The following NUP188 variants were observed in gnomAD, a reference collection of about 807,000 sequenced individuals.
NUP188 encodes the protein nucleoporin NUP188.
In NUP188, 97 loss-of-function variants were observed where a neutral mutation model predicts 223.0. That is an observed-to-expected ratio of 0.43 (90% CI 0.37 to 0.51). NUP188 has a LOEUF of 0.51. NUP188 is among the 20% of genes least tolerant of loss of function. NUP188 has a pLI of 0.00. For missense variants in NUP188, 1,947 were observed against 2,175.6 expected, an observed-to-expected ratio of 0.89 and a Z score of 2.09; for synonymous variants, 869 against 828.0, an observed-to-expected ratio of 1.05 and a Z score of -0.85.
In NUP188 at chr9:128,993,539, G is replaced by A. The variant is rs374088721; in HGVS notation, c.2862G>A (p.Gly954=). 3.1e-6 allele frequency: 5 copies of A among 1,614,036 alleles called. No homozygotes were observed. In the African/African-American group the frequency reaches 6.7e-5, roughly 22 times the overall value. Residue 954 remains glycine, a synonymous_variant, in exon 27 of 44, where the codon GGG becomes GGA. Coordinates refer to ENST00000372577, the MANE Select transcript of NUP188 (RefSeq NM_015354.3). ...CCTTCTTGCAGGAATTCAGCCTTGG[G>A]ATGTGGAGCTGTCTCCATGCAGTGC... The part of the protein sequence containing the change: ...GSDGSKEFSL[G]MWSCLHAVLE...
intron 12 of NUP188, among the ~76,000 whole-genome samples, chr9:128,975,701 G>A (rs1261387287): frequency 2.0e-5 from 3 of 151,438 alleles, no homozygotes; most frequent in Non-Finnish European, 2.9e-5. Flanking sequence ...TGTATTTTCA[G>A]TAGACGGGGT....
At position 128,973,253 on chromosome 9, in the gene NUP188, A is replaced by T. The variant is rs759343351; in HGVS notation, c.1203+4A>T. 1 of 1,611,298 alleles carries T rather than the reference A, an allele frequency of 6.2e-7. No individual in the cohort carries two copies. Among genetic ancestry groups the T allele is most frequent in the Non-Finnish European group, 8.5e-7 (1 of 1,178,772 alleles). ...GCACACCCTGGGCAATCAGCAGGTC[A>T]GTGTCTGGCTTTCATGAAGCTGTCT... On this transcript the variant is annotated splice_donor_region_variant and intron_variant, in intron 12 of 43. Transcript: ENST00000372577.
rs147133014 is a variant in NUP188 at position 128,983,686 on chromosome 9, C to T, written c.1961+136C>T. ...TTTGAGATGGAGTCTCACTCTGTTG[C>T]CCAGGCTGGAGTGCAGTGGTGCAGC... On this transcript the variant is annotated intron_variant, in intron 19 of 43. Coordinates refer to ENST00000372577, the MANE Select transcript of NUP188 (RefSeq NM_015354.3). The T allele has an allele frequency of 6.5e-3, 4,435 of 686,340 alleles. 111 individuals carry two copies. The highest frequency in any genetic ancestry group is 0.054 in the African/African-American group (3,011 of 55,574). The allele number at this position is 686,340 out of a possible 1,614,324, so 42.5% of individuals were successfully genotyped here.
At chr9:128,974,994 C>T (rs748386223) in intron 12 of NUP188, among the ~76,000 whole-genome samples, 58 of 151,938 alleles carry the variant, frequency 3.8e-4, no homozygotes, top group Non-Finnish European at 6.9e-4. Context: ...CTCCTGACCT[C>T]AGGTGATCCC....
In NUP188 at chr9:128,947,738, G is replaced by T. The variant is rs113241875; in HGVS notation, c.19G>T (p.Gly7Trp). Residue 7 changes from glycine (G) to tryptophan (W), a missense_variant, in exon 1 of 44, where the codon GGG (glycine) becomes TGG (tryptophan). Around this residue, in one of 3 missense-constraint regions of NUP188, gnomAD observed 817 missense variants for 865.8 expected, o/e 0.94. Coordinates refer to ENST00000372577, the MANE Select transcript of NUP188 (RefSeq NM_015354.3). ...CGCGAAGATGGCGGCGGCCGCCGGCGGGCCGTGTGTGAGGTGCGGAGCGGG... is the reference window on the plus strand; with the variant it reads ...CGCGAAGATGGCGGCGGCCGCCGGCTGGCCGTGTGTGAGGTGCGGAGCGGG... MAAAAG[G>W]PCVRSSRELW... 5.4e-6 allele frequency: 8 copies of T among 1,474,310 alleles called. No individual in the cohort carries two copies. Among genetic ancestry groups the T allele is most frequent in the Admixed American group, 2.4e-5 (1 of 41,224 alleles). The allele number at this position is 1,474,310 out of a possible 1,614,324, so 91.3% of individuals were successfully genotyped here.
At chr9:128,998,481 G>C in intron 31 of NUP188, 57 bp from the exon 32 acceptor site, 1 of 1,465,218 alleles carries the variant, frequency 6.8e-7, no homozygotes, top group Admixed American at 1.7e-5. Flanking sequence ...GAGGTGCCCT[G>C]TGGATGGCAT....
Position 128,958,843 on chromosome 9 carries a change from T to C in NUP188, c.414T>C (p.Arg138=). 1 of 1,599,536 alleles carries C rather than the reference T, an allele frequency of 6.3e-7. No homozygotes were observed. Among genetic ancestry groups the C allele is most frequent in the Non-Finnish European group, 8.5e-7 (1 of 1,171,280 alleles). The change falls in exon 7 of 44, where the codon CGT becomes CGC. Residue 138 remains arginine (R), a synonymous_variant. Transcript: ENST00000372577. The part of the protein sequence containing the change: ...YYYEERTCIL[R]CVLHLLTYFQ... ...ATGAAGAAAGAACCTGTATTCTTCG[T>C]TGTGTCTTACACCTTCTCACTTACT...
At chr9:128,996,709 C>T (rs552056174) in intron 30 of NUP188, among the ~76,000 whole-genome samples, 1 of 152,228 alleles carries the variant, frequency 6.6e-6, no homozygotes, top group Admixed American at 6.5e-5. Context: ...ATGTCACCTG[C>T]CTTTTAGGCC....
chr9:129,003,122 T>A (rs1032548741), intron 37 of NUP188, 147 bp downstream of exon 37: 10 of 1,098,650 alleles, frequency 9.1e-6, no homozygotes, highest in Non-Finnish European at 1.3e-5. Context: ...AGTACTCTGC[T>A]GGCTCACTGG....
At chr9:129,005,797 ACT>A (rs986335459) in intron 41 of NUP188, 21 bp downstream of exon 41, 1 of 1,582,732 alleles carries the variant, frequency 6.3e-7, no homozygotes, top group African/African-American at 1.4e-5. Flanking sequence ...TCTGTCAGAC[ACT>A]GTCCTCTCCC....
In NUP188 at chr9:128,993,217, T is replaced by C. The variant is rs751652170; in HGVS notation, c.2661T>C (p.Tyr887=). ...ACCAGGTGGCCCCAATGTCAGTGTA[T>C]GCTTGTCTGGGCAATGATGCGGCTG... ...RLATVAPMSV[Y]ACLGNDAAAI... Residue 887 remains tyrosine (Y), a synonymous_variant, in exon 26 of 44, where the codon TAT becomes TAC. Coordinates refer to ENST00000372577, the MANE Select transcript of NUP188 (RefSeq NM_015354.3). 1 of 1,614,186 alleles carries C rather than the reference T, an allele frequency of 6.2e-7. No individual in the cohort carries two copies. The highest frequency in any genetic ancestry group is 8.5e-7 in the Non-Finnish European group (1 of 1,180,004).
At position 128,998,630 on chromosome 9, in the gene NUP188, C is replaced by G; in HGVS notation, c.3515+7C>G. On this transcript the variant is annotated splice_region_variant and intron_variant, in intron 32 of 43. Transcript: ENST00000372577. ...TCCTCCGGCAGTGGAAGAGGTGAGG[C>G]TGTGCCAGGAGAGGCAAGCCCGAGG... The G allele has an allele frequency of 1.2e-6, 2 of 1,612,646 alleles. No individual in the cohort carries two copies. Among genetic ancestry groups the G allele is most frequent in the Non-Finnish European group, 1.7e-6 (2 of 1,178,944 alleles).
rs540828761 is a variant in NUP188, at chr9:128,975,226, C to CTTTTTTT, written c.1203+1988_1203+1994dup. Among the ~76,000 whole-genome samples, 1,188 of 131,758 alleles carry CTTTTTTT rather than the reference C, an allele frequency of 9.0e-3. 44 individuals are homozygous for CTTTTTTT. The highest frequency in any genetic ancestry group is 0.034 in the African/African-American group (1,137 of 33,550). The allele number at this position is 131,758 out of a possible 152,430, so 86.4% of individuals were successfully genotyped here. ...AATTAATTAATTTCTTTTTCTTTTC[C>CTTTTTTT]TTTTTTTTTTTTTTTTTGAGACGGA... On this transcript the variant is annotated intron_variant, in intron 12 of 43. Transcript: ENST00000372577.
At chr9:128,952,573 A>G (rs1285374873) in intron 2 of NUP188, among the ~76,000 whole-genome samples, 200 bp from the exon 3 acceptor site, 1 of 151,762 alleles carries the variant, frequency 6.6e-6, no homozygotes, top group Non-Finnish European at 1.5e-5. Context: ...AAATACAATA[A>G]TTAGCTGGGT....
chr9:128,953,869 C>G (rs551709104), intron 3 of NUP188, among the ~76,000 whole-genome samples: 1 of 150,988 alleles, frequency 6.6e-6, no homozygotes, highest in African/African-American at 2.4e-5. Flanking sequence ...TTTGCTCTGT[C>G]GCCCAGACTG....
rs1842066275 is a variant in NUP188, at chr9:128,968,713, A to G, written c.793A>G (p.Ile265Val). The change falls in exon 9 of 44, where the codon ATT becomes GTT. Residue 265 changes from isoleucine (I) to valine (V), a missense_variant. Around this residue, in one of 3 missense-constraint regions of NUP188, gnomAD observed 817 missense variants for 865.8 expected, o/e 0.94. Coordinates refer to ENST00000372577, the MANE Select transcript of NUP188 (RefSeq NM_015354.3). ...DETMDPFVDR[I>V]GYFSALILVE... ...GACTATGGATCCTTTTGTAGATCGG[A>G]TTGGGTAAGTCAGTGAATTGAACAT... The G allele has an allele frequency of 1.9e-6, 3 of 1,612,026 alleles. No homozygotes were observed. Among genetic ancestry groups the G allele is most frequent in the Non-Finnish European group, 2.5e-6 (3 of 1,178,138 alleles).
chr9:128,999,281 G>A lies in NUP188; in HGVS notation c.3625G>A (p.Ala1209Thr), dbSNP rs764996940. The A allele has an allele frequency of 5.6e-6, 9 of 1,614,188 alleles. No individual in the cohort carries two copies. Among genetic ancestry groups the A allele is most frequent in the African/African-American group, 2.7e-5 (2 of 75,050 alleles). Residue 1209 changes from alanine to threonine, a missense_variant, in exon 33 of 44, where the codon GCA (alanine) becomes ACA (threonine). Physicochemically the swap from Ala to Thr is moderately conservative, Grantham distance 58. Transcript: ENST00000372577. ...GAAGACCAAGGCCAAGGTGTTCTCA[G>A]CATTCATCACAGTGTTGCAAATGAA... ...MEKTKAKVFSAFITVLQMKEM... is the reference protein window; with the variant it reads ...MEKTKAKVFSTFITVLQMKEM...
Position 129,006,099 on chromosome 9 carries a change from AG to A in NUP188, c.4921del (p.Ala1641GlnfsTer7), listed in dbSNP as rs1295647458. On this transcript the variant is annotated frameshift_variant, in exon 42 of 44. Transcript: ENST00000372577. LOFTEE classifies it high-confidence loss of function. ...PLTQAVGLST[Q>X]AEGTRTLKSL... ...ACCCAGGCAGTGGGGCTCAGCACAC[AG>A]GCAGAAGGGACCAGGACGTTAAAGT... 6.2e-7 allele frequency: 1 copy of A among 1,614,180 alleles called. No homozygotes were observed. Among genetic ancestry groups the A allele is most frequent in the Non-Finnish European group, 8.5e-7 (1 of 1,180,036 alleles).
chr9:128,954,222 C>CTTTTTTTTT, intron 3 of NUP188, among the ~76,000 whole-genome samples: 1 of 148,028 alleles, frequency 6.8e-6, no homozygotes, highest in South Asian at 2.1e-4. Flanking sequence ...ATGTCTTAGT[C>CTTTTTTTTT]TTTTTTTTTT....
Sources: allele counts gnomAD v4.1 joint callset (sites outside exome capture counted in the v4.1 genomes callset), GRCh38; gene constraint gnomAD v4.1.1; regional missense constraint gnomAD v4.1.1; transcripts MANE v1.5; gene names NCBI Gene and HGNC (gene_info 2026-07-23, HGNC 2026-07-21).